Variants in GRIN3B observed in about 807,000 individuals in gnomAD.
The protein encoded by GRIN3B is glutamate receptor ionotropic, NMDA 3B.
A neutral mutation model predicts 66.0 loss-of-function variants in GRIN3B; 77 were observed. The ratio of observed to expected loss-of-function variants is 1.17; its 90% confidence interval spans 0.97 to 1.41. The LOEUF is 1.41. Ranked by LOEUF, GRIN3B falls within the 40% of genes most tolerant of loss-of-function variation. GRIN3B has a pLI of 0.00. For missense variants in GRIN3B, 1,787 were observed against 1,564.5 expected (o/e 1.14, Z -2.40); for synonymous variants, 823 against 749.7 (o/e 1.10, Z -1.60).
chr19:1,000,632 G>A lies in GRIN3B; in HGVS notation c.195G>A (p.Arg65=), dbSNP rs754448875. The A allele has an allele frequency of 5.7e-3, 6,942 of 1,208,362 alleles. 25 individuals are homozygous for A. Among genetic ancestry groups the A allele is most frequent in the Non-Finnish European group, 6.6e-3 (6,386 of 974,466 alleles). The allele number at this position is 1,208,362 out of a possible 1,614,324, so 74.9% of individuals were successfully genotyped here. Residue 65 remains arginine (R), a synonymous_variant, in exon 1 of 9, where the codon CGG becomes CGA. Coordinates refer to ENST00000234389, the MANE Select transcript of GRIN3B (RefSeq NM_138690.3). ...AALARAALAP[R]LPHNLSLELV... is the part of the protein sequence containing the mutation. ...TGGCCCGGGCCGCCCTGGCGCCGCG[G>A]CTGCCGCACAACCTGAGCTTGGAGC...
rs772846784 is a variant in GRIN3B at position 1,005,182 on chromosome 19, G to T, written c.1681G>T (p.Asp561Tyr). 1.9e-6 allele frequency: 3 copies of T among 1,613,550 alleles called. No individual in the cohort carries two copies. The highest frequency in any genetic ancestry group is 2.5e-6 in the Non-Finnish European group (3 of 1,179,972). Residue 561 changes from aspartate (D) to tyrosine (Y), a missense_variant, in exon 3 of 9, where the codon GAC becomes TAC. Coordinates refer to ENST00000234389, the MANE Select transcript of GRIN3B (RefSeq NM_138690.3). This position sits in a 1 kb window ranked among gnomAD's most constrained non-coding sequence, Gnocchi z 5.2. ...CCTGGGCATCATGGTGCGGGCACGG[G>T]ACACGGCCTCACCCATCGGTGCCTT... is the stretch of plus-strand genomic sequence containing the variant. ...TSLGIMVRAR[D>Y]TASPIGAFMW... is the part of the protein sequence containing the mutation.
chr19:1,001,010 G>T, intron 1 of GRIN3B, 147 bp downstream of exon 1: 1 of 958,824 alleles, frequency 1.0e-6, no homozygotes, highest in Non-Finnish European at 1.4e-6. Context: ...CCAGGGATCA[G>T]GGATGGGGAA....
In GRIN3B at chr19:1,005,036, G is replaced by A. The variant is rs370718312; in HGVS notation, c.1535G>A (p.Arg512His). The A allele has an allele frequency of 1.1e-5, 18 of 1,611,726 alleles. No individual in the cohort carries two copies. The highest frequency in any genetic ancestry group is 5.5e-5 in the South Asian group (5 of 90,996). ...DGKYGALRDG[R>H]WTGLVGDLLA... is the part of the protein sequence containing the mutation. ...AAGTACGGCGCCCTGCGGGACGGCCGCTGGACCGGCCTGGTCGGGGACCTG... is the reference window on the plus strand; with the variant it reads ...AAGTACGGCGCCCTGCGGGACGGCCACTGGACCGGCCTGGTCGGGGACCTG... The change falls in exon 3 of 9, where the codon CGC becomes CAC. Residue 512 changes from arginine (R) to histidine (H), a missense_variant. Coordinates refer to ENST00000234389, the MANE Select transcript of GRIN3B (RefSeq NM_138690.3). This position sits in a 1 kb window ranked among gnomAD's most constrained non-coding sequence, Gnocchi z 5.2.
chr19:1,007,779 C>T lies in GRIN3B; in HGVS notation c.2198+6C>T, dbSNP rs1458877065. 2 of 1,513,926 alleles carry T rather than the reference C, an allele frequency of 1.3e-6. No individual in the cohort carries two copies. Among genetic ancestry groups the T allele is most frequent in the Non-Finnish European group, 8.8e-7 (1 of 1,131,750 alleles). 93.8% of individuals were successfully genotyped at this position (1,513,926 alleles called of 1,614,324 possible). A position where few individuals can be genotyped will look rare whatever the true frequency, so the allele number is the denominator to read the frequency against. On this transcript the variant is annotated splice_donor_region_variant and intron_variant, in intron 4 of 8. Coordinates refer to ENST00000234389, the MANE Select transcript of GRIN3B (RefSeq NM_138690.3). This position sits in a 1 kb window ranked among gnomAD's most constrained non-coding sequence, Gnocchi z 4.4. The stretch of plus-strand genomic sequence containing the variant: ...CGCGGCGTCGCCATGCTCACGTGAG[C>T]CCGGGCGCGGGGTGAGGCGGGGGCG...
At chr19:1,008,058 A>C in intron 5 of GRIN3B, 82 bp from the exon 6 acceptor site, 1 of 1,573,452 alleles carries the variant, frequency 6.4e-7, no homozygotes, top group Non-Finnish European at 8.7e-7. Context: ...TCGAGGTGGG[A>C]AGGGGCGAAA....
intron 1 of GRIN3B, chr19:1,002,839 G>A (rs1456196377): frequency 3.0e-6 from 1 of 337,760 alleles, no homozygotes; most frequent in Non-Finnish European, 5.4e-6. Flanking sequence ...TGGGCATAGA[G>A]AGAGAAAGAT....
chr19:1,000,617 C>A lies in GRIN3B; in HGVS notation c.180C>A (p.Ala60=). Residue 60 remains alanine (A), a synonymous_variant, in exon 1 of 9, where the codon GCC becomes GCA. Transcript: ENST00000234389. Reference sequence around the variant, plus strand: ...GCGCCCGCGCCGCCCTGGCCCGGGCCGCCCTGGCGCCGCGGCTGCCGCACA... The same window carrying A: ...GCGCCCGCGCCGCCCTGGCCCGGGCAGCCCTGGCGCCGCGGCTGCCGCACA... ...RARARAALAR[A]ALAPRLPHNL... is the part of the protein sequence containing the mutation. The A allele has an allele frequency of 8.8e-7, 1 of 1,139,468 alleles. No homozygotes were observed. The highest frequency in any genetic ancestry group is 1.7e-5 in the African/African-American group (1 of 60,036). 70.6% of individuals were successfully genotyped at this position (1,139,468 alleles called of 1,614,324 possible). A position where few individuals can be genotyped will look rare whatever the true frequency, so the allele number is the denominator to read the frequency against.
intron 3 of GRIN3B, among the ~76,000 whole-genome samples, chr19:1,006,348 T>C (rs1484899021): frequency 2.0e-5 from 3 of 151,892 alleles, no homozygotes; most frequent in African/African-American, 4.8e-5. Flanking sequence ...GGTTTCACCA[T>C]GTTGGCCAGG....
rs1484875372 is a variant in GRIN3B at position 1,000,664 on chromosome 19, T to C, written c.227T>C (p.Val76Ala). 1.5e-6 allele frequency: 2 copies of C among 1,321,388 alleles called. No individual in the cohort carries two copies. The highest frequency in any genetic ancestry group is 1.9e-6 in the Non-Finnish European group (2 of 1,033,186). The allele number at this position is 1,321,388 out of a possible 1,614,324, so 81.9% of individuals were successfully genotyped here. A position where few individuals can be genotyped will look rare whatever the true frequency, so the allele number is the denominator to read the frequency against. ...LPHNLSLELV[V>A]AAPPARDPAS... ...CACAACCTGAGCTTGGAGCTGGTGG[T>C]CGCCGCGCCCCCCGCCCGCGACCCC... Residue 76 changes from valine to alanine, a missense_variant, in exon 1 of 9, where the codon GTC (valine) becomes GCC (alanine). By Grantham distance (64) the Val-to-Ala change is moderately conservative (BLOSUM62 0). Coordinates refer to ENST00000234389, the MANE Select transcript of GRIN3B (RefSeq NM_138690.3).
At position 1,003,542 on chromosome 19, in the gene GRIN3B, CG is replaced by C; in HGVS notation, c.840del (p.Leu281TrpfsTer76). On this transcript the variant is annotated frameshift_variant, in exon 2 of 9. Transcript: ENST00000234389. LOFTEE classifies it high-confidence loss of function. ...GCGGGGCTGCCACCAGGGCTGCTGG[CG>C]CTGGGCGAGGTGGCACGACCCCCGC... ...PTAGLPPGLL[A>X]LGEVARPPLE... 1 of 1,522,362 alleles carries C rather than the reference CG, an allele frequency of 6.6e-7. No homozygotes were observed. The highest frequency in any genetic ancestry group is 1.4e-5 in the African/African-American group (1 of 70,768). 94.3% of individuals were successfully genotyped at this position (1,522,362 alleles called of 1,614,324 possible).
rs138089298 is a variant in GRIN3B, at chr19:1,006,188, G to A, written c.2052+635G>A. Among the ~76,000 whole-genome samples, 8 of 151,406 alleles carry A rather than the reference G, an allele frequency of 5.3e-5. No individual in the cohort carries two copies. The East Asian group carries it at 9.9e-4, about 19-fold the overall frequency. On this transcript the variant is annotated intron_variant, in intron 3 of 8. Coordinates refer to ENST00000234389, the MANE Select transcript of GRIN3B (RefSeq NM_138690.3). ...TTTTTTGAGACAGTCTTGCTCCATC[G>A]CCCAGGCTGGAGCGCAGTGGCACGA... is the stretch of plus-strand genomic sequence containing the variant.
Position 1,008,224 on chromosome 19 carries a change from T to A in GRIN3B, c.2399T>A (p.Ile800Asn), listed in dbSNP as rs897028729. The stretch of plus-strand genomic sequence containing the variant: ...AGCCGCTACAAGTCCTCCGGCTTCA[T>A]CGACCTGCTCCACGACAAGTGGTAC... ...FISRYKSSGF[I>N]DLLHDKWYKM... Residue 800 changes from isoleucine (I) to asparagine (N), a missense_variant, in exon 6 of 9, where the codon ATC (isoleucine) becomes AAC (asparagine). By Grantham distance (149) the Ile-to-Asn change is moderately radical. Transcript: ENST00000234389. 2 of 1,609,866 alleles carry A rather than the reference T, an allele frequency of 1.2e-6. No homozygotes were observed. The highest frequency in any genetic ancestry group is 1.7e-6 in the Non-Finnish European group (2 of 1,178,144).
rs1283977966 is a variant in GRIN3B, at chr19:1,003,471, C to A, written c.768C>A (p.Pro256=). The part of the protein sequence containing the change: ...RRVLEAVPPG[P]HWLLGTPLPP... ...TGCTGGAGGCCGTACCTCCCGGCCC[C>A]CACTGGCTGTTGGGGACACCACTGC... is the stretch of plus-strand genomic sequence containing the variant. Residue 256 remains proline, a synonymous_variant, in exon 2 of 9, where the codon CCC becomes CCA. Coordinates refer to ENST00000234389, the MANE Select transcript of GRIN3B (RefSeq NM_138690.3). 6 of 1,538,120 alleles carry A rather than the reference C, an allele frequency of 3.9e-6. No individual in the cohort carries two copies. The highest frequency in any genetic ancestry group is 4.4e-6 in the Non-Finnish European group (5 of 1,147,060).
At position 1,003,351 on chromosome 19, in the gene GRIN3B, G is replaced by A. The variant is rs769579806; in HGVS notation, c.648G>A (p.Arg216=). 1.3e-6 allele frequency: 2 copies of A among 1,578,578 alleles called. No individual in the cohort carries two copies. The highest frequency in any genetic ancestry group is 8.6e-7 in the Non-Finnish European group (1 of 1,166,500). Residue 216 remains arginine, a synonymous_variant, in exon 2 of 9, where the codon CGG becomes CGA. Transcript: ENST00000234389. ...GGGACACGGGAGATGCAGGACTGCG[G>A]GCACGCCTGGCCCCGATGGCGGCGC... The part of the protein sequence containing the change: ...SRRDTGDAGL[R]ARLAPMAAPV...
Position 1,009,229 on chromosome 19 carries a change from G to A in GRIN3B, c.2759G>A (p.Gly920Asp), listed in dbSNP as rs755723427. The A allele has an allele frequency of 1.3e-4, 195 of 1,459,608 alleles. 1 individual carries two copies. The highest frequency in any genetic ancestry group is 2.3e-4 in the Middle Eastern group (1 of 4,264). 90.4% of individuals were successfully genotyped at this position (1,459,608 alleles called of 1,614,324 possible). ...QQQDQPTAPE[G>D]WKRARRAVDK... ...CAGGACCAGCCAACGGCTCCGGAGG[G>A]CTGGAAACGGGCGCGCCGGGCCGTG... The change falls in exon 9 of 9, where the codon GGC (glycine) becomes GAC (aspartate). Residue 920 changes from glycine to aspartate, a missense_variant. By Grantham distance (94) the Gly-to-Asp change is moderately conservative. Transcript: ENST00000234389.
chr19:1,008,950 C>G (rs777576612), intron 8 of GRIN3B, 23 bp downstream of exon 8: 1 of 1,586,126 alleles, frequency 6.3e-7, no homozygotes, highest in South Asian at 1.1e-5. Context: ...CGGGGCGGAC[C>G]ACGATGCAGG....
At chr19:1,008,521 C>G in intron 6 of GRIN3B, 97 bp from the exon 7 acceptor site, 1 of 1,411,654 alleles carries the variant, frequency 7.1e-7, no homozygotes, top group South Asian at 1.3e-5. Context: ...CTGCCCCAAG[C>G]CCCTCTCTCT....
In GRIN3B at chr19:1,007,923, G is replaced by T; in HGVS notation, c.2266G>T (p.Asp756Tyr). 1 of 1,612,086 alleles carries T rather than the reference G, an allele frequency of 6.2e-7. No individual in the cohort carries two copies. Among genetic ancestry groups the T allele is most frequent in the Non-Finnish European group, 8.5e-7 (1 of 1,179,650 alleles). Residue 756 changes from aspartate to tyrosine, a missense_variant, in exon 5 of 9, where the codon GAC becomes TAC. Physicochemically the swap from Asp to Tyr is radical, Grantham distance 160. Transcript: ENST00000234389. This position sits in a 1 kb window ranked among gnomAD's most constrained non-coding sequence, Gnocchi z 4.4. ...KSLLDYEVSIDADCKLLTVGK... is the reference protein window; with the variant it reads ...KSLLDYEVSIYADCKLLTVGK... ...GCTCCTGGACTACGAGGTCTCCATCGACGCCGACTGCAAACTGCTGACCGT... is the reference window on the plus strand; with the variant it reads ...GCTCCTGGACTACGAGGTCTCCATCTACGCCGACTGCAAACTGCTGACCGT...
In GRIN3B at chr19:1,008,348, G is replaced by A. The variant is rs115962181; in HGVS notation, c.2466+57G>A. 3.4e-3 allele frequency: 4,323 copies of A among 1,270,328 alleles called. 150 individuals carry two copies. The African/African-American group carries it at 0.058, about 17-fold the overall frequency. 78.7% of individuals were successfully genotyped at this position (1,270,328 alleles called of 1,614,324 possible). A position where few individuals can be genotyped will look rare whatever the true frequency, so the allele number is the denominator to read the frequency against. ...TGGGGGTGGGCGTGGGGGGCCCTGA[G>A]CCTTGTCTGAAGTGACCAACCCCAG... On this transcript the variant is annotated intron_variant, in intron 6 of 8. Coordinates refer to ENST00000234389, the MANE Select transcript of GRIN3B (RefSeq NM_138690.3).
Sources: gnomAD v4.1 joint callset for allele counts (sites outside exome capture counted in the v4.1 genomes callset) on GRCh38, gnomAD v4.1.1 for gene constraint, Gnocchi (gnomAD v3.1) non-coding constraint, MANE v1.5 for transcripts, NCBI Gene and HGNC (gene_info 2026-07-23, HGNC 2026-07-21) for gene names.